Variants in PKP1 observed in about 807,000 individuals in gnomAD.
PKP1 encodes plakophilin-1.
A neutral mutation model predicts 76.4 loss-of-function variants in PKP1; 27 were observed. The ratio of observed to expected loss-of-function variants is 0.35; its 90% CI spans 0.26 to 0.49. The LOEUF (loss-of-function observed/expected upper bound fraction) is 0.49. Among genes scored for constraint, PKP1 ranks in the 20% least tolerant of loss-of-function variants. The pLI is 0.99. For missense variants in PKP1, 964 were observed against 955.2 expected (o/e 1.01, Z -0.12); for synonymous variants, 404 against 384.2 (o/e 1.05, Z -0.60).
chr1:201,331,099 G>A lies in PKP1; in HGVS notation c.*1058G>A, dbSNP rs1433554532. The A allele has an allele frequency of 6.6e-6, 1 of 152,268 alleles. No individual in the cohort carries two copies. Among genetic ancestry groups the A allele is most frequent in the African/African-American group, 2.4e-5 (1 of 41,458 alleles). The allele number at this position is 152,268 out of a possible 1,614,324, so 9.4% of individuals were successfully genotyped here. A position where few individuals can be genotyped will look rare whatever the true frequency, so the allele number is the denominator to read the frequency against. On this transcript the variant is annotated 3_prime_UTR_variant, in exon 14 of 14. Transcript: ENST00000367324. The stretch of plus-strand genomic sequence containing the variant: ...CTATTCCGGCTTCTAGTGGGATGGA[G>A]TTGGGGTATAGAAATTAACCAGGAA...
At chr1:201,308,334 A>G (rs1386365298) in intron 2 of PKP1, among the ~76,000 whole-genome samples, 1 of 152,200 alleles carries the variant, frequency 6.6e-6, no homozygotes, top group Non-Finnish European at 1.5e-5. Context: ...CTCCACCCCT[A>G]GCACAAATTC....
chr1:201,318,739 C>T lies in PKP1; in HGVS notation c.1176C>T (p.Asn392=). The T allele has an allele frequency of 2.5e-6, 4 of 1,611,686 alleles. No individual in the cohort carries two copies. The highest frequency in any genetic ancestry group is 2.2e-5 in the South Asian group (2 of 90,830). The change falls in exon 6 of 14, where the codon AAC becomes AAT. Residue 392 remains asparagine, a synonymous_variant. Coordinates refer to ENST00000367324, the MANE Select transcript of PKP1 (RefSeq NM_001005337.3). ...CTGGCTGGTGCGATGGCAATAGCAA[C>T]ATGTCCCGGGAAGTGGTGGACCCTG... The part of the protein sequence containing the change: ...PFSGWCDGNS[N]MSREVVDPEV...
intron 2 of PKP1, among the ~76,000 whole-genome samples, chr1:201,302,703 T>G (rs116380452): frequency 0.028 from 4,287 of 152,166 alleles, 80 homozygotes; most frequent in East Asian, 0.049. Flanking sequence ...GGACGGGGGA[T>G]CTGTAGAGAC....
intron 4 of PKP1, among the ~76,000 whole-genome samples, chr1:201,316,954 G>C (rs540538343): frequency 1.3e-5 from 2 of 152,152 alleles, no homozygotes; most frequent in African/African-American, 4.8e-5. Flanking sequence ...TGCCAGCCAC[G>C]GGTTCAACAG....
In PKP1 at chr1:201,313,175, G is replaced by T; in HGVS notation, c.316G>T (p.Gly106Ter). 1 of 1,610,054 alleles carries T rather than the reference G, an allele frequency of 6.2e-7. No individual in the cohort carries two copies. Among genetic ancestry groups the T allele is most frequent in the East Asian group, 2.2e-5 (1 of 44,798 alleles). The change falls in exon 3 of 14, where the codon GGA becomes TGA. Residue 106 changes from glycine to a stop codon, truncating the protein, a stop_gained. Transcript: ENST00000367324. LOFTEE classifies it high-confidence loss of function. ...CCCTTTCCCTGGCCAGATCTACAAT[G>T]GAACCCTCAAGCGGGAGCCTGACAA... The part of the protein sequence containing the change: ...NGSWGYPIYN[G>*]TLKREPDNRR...
chr1:201,320,865 T>C (rs1398263949), intron 7 of PKP1, among the ~76,000 whole-genome samples: 1 of 152,116 alleles, frequency 6.6e-6, no homozygotes, highest in African/African-American at 2.4e-5. Flanking sequence ...GTGTCCCCCC[T>C]GAGATGAGGC....
At chr1:201,318,156 T>C (rs1342043446) in intron 5 of PKP1, among the ~76,000 whole-genome samples, 1 of 151,832 alleles carries the variant, frequency 6.6e-6, no homozygotes, top group Non-Finnish European at 1.5e-5. Context: ...GTTCAAGAAA[T>C]ATGGTAGGCA....
At chr1:201,327,415 GC>G (rs1558197602) in intron 12 of PKP1, among the ~76,000 whole-genome samples, 2 of 152,200 alleles carry the variant, frequency 1.3e-5, no homozygotes, top group Admixed American at 6.5e-5. Flanking sequence ...GAAGGTCACA[GC>G]AAAGGGTGGC....
intron 5 of PKP1, among the ~76,000 whole-genome samples, chr1:201,318,237 T>C (rs1478253709): frequency 6.6e-6 from 1 of 152,150 alleles, no homozygotes; most frequent in East Asian, 1.9e-4. Flanking sequence ...GATCAGACCA[T>C]GTACAGAGTA....
intron 3 of PKP1, chr1:201,316,136 ACGGATGGACGGACGGATGGATG>A: frequency 9.0e-6 from 1 of 111,176 alleles, no homozygotes; most frequent in South Asian, 3.2e-4. Context: ...GGACGGACGG[ACGGATGGACGGACGGATGGATG>A]GATGGATGGA....
intron 3 of PKP1, among the ~76,000 whole-genome samples, 195 bp downstream of exon 3, chr1:201,313,755 A>G (rs1656640200): frequency 6.6e-6 from 1 of 152,258 alleles, no homozygotes; most frequent in African/African-American, 2.4e-5. Flanking sequence ...GAACTCAAGA[A>G]GTTCTTAGTG....
intron 13 of PKP1, among the ~76,000 whole-genome samples, chr1:201,329,706 C>T (rs1361903): frequency 0.62 from 94,501 of 152,112 alleles, 34,458 homozygotes; most frequent in East Asian, 0.87. Context: ...GGAGAGAGGA[C>T]TGTAACTTTG....
At chr1:201,311,397 G>A (rs762239411) in intron 2 of PKP1, among the ~76,000 whole-genome samples, 3 of 152,226 alleles carry the variant, frequency 2.0e-5, no homozygotes, top group Non-Finnish European at 4.4e-5. Context: ...GTTTGGGGAA[G>A]AAAATTATGC....
intron 1 of PKP1, among the ~76,000 whole-genome samples, chr1:201,291,808 A>C (rs901429502): frequency 1.3e-5 from 2 of 152,210 alleles, no homozygotes; most frequent in Admixed American, 6.5e-5. Context: ...GGAGGCAGAC[A>C]AGACCTGGTG....
chr1:201,292,538 G>A (rs1779300), intron 1 of PKP1, among the ~76,000 whole-genome samples: 30,890 of 152,094 alleles, frequency 0.2, 3,802 homozygotes, highest in Middle Eastern at 0.33. Context: ...GGCACGAGGT[G>A]GGGATCCCTG....
intron 2 of PKP1, among the ~76,000 whole-genome samples, chr1:201,307,867 A>C (rs1656415202): frequency 6.6e-6 from 1 of 152,196 alleles, no homozygotes; most frequent in Non-Finnish European, 1.5e-5. Flanking sequence ...CCCTTTCATG[A>C]AAAGGGCCTT....
intron 12 of PKP1, among the ~76,000 whole-genome samples, chr1:201,326,979 CA>C (rs1056131945): frequency 6.6e-6 from 1 of 152,150 alleles, no homozygotes; most frequent in Non-Finnish European, 1.5e-5. Flanking sequence ...CCTAGAGGAC[CA>C]GGGGATGGAC....
At chr1:201,308,051 C>G (rs925002582) in intron 2 of PKP1, among the ~76,000 whole-genome samples, 1 of 152,206 alleles carries the variant, frequency 6.6e-6, no homozygotes, top group Non-Finnish European at 1.5e-5. Flanking sequence ...TTTCATCATA[C>G]CCAGCTCCCA....
rs1656756922 is a variant in PKP1 at position 201,316,645 on chromosome 1, G to C, written c.794G>C (p.Gly265Ala). The C allele has an allele frequency of 6.2e-7, 1 of 1,613,610 alleles. No homozygotes were observed. Among genetic ancestry groups the C allele is most frequent in the Non-Finnish European group, 8.5e-7 (1 of 1,179,866 alleles). The change falls in exon 4 of 14, where the codon GGG becomes GCG. Residue 265 changes from glycine to alanine, a missense_variant. By Grantham distance (60) the Gly-to-Ala change is moderately conservative. Transcript: ENST00000367324. ...SSQDEKYQAI[G>A]AYYIQHTCFQ... is the part of the protein sequence containing the mutation. ...CAGGATGAGAAGTACCAGGCCATTG[G>C]GGCCTATTACATCCAGCATACCTGC... is the stretch of plus-strand genomic sequence containing the variant.
Sources: allele counts gnomAD v4.1 joint callset (sites outside exome capture counted in the v4.1 genomes callset), GRCh38; gene constraint gnomAD v4.1.1; transcripts MANE v1.5; gene names NCBI Gene and HGNC (gene_info 2026-07-23, HGNC 2026-07-21).